Variants in SVEP1 observed in about 807,000 individuals in gnomAD.
The protein encoded by SVEP1 is sushi, von Willebrand factor type A, EGF and pentraxin domain containing 1.
Under a neutral mutation model 367.3 loss-of-function variants are expected in SVEP1, and 164 were observed. The ratio of observed to expected loss-of-function variants is 0.45; its 90% CI spans 0.39 to 0.51. SVEP1 has a LOEUF of 0.51. SVEP1 is among the 20% of genes least tolerant of loss of function. SVEP1 has a pLI of 0.00. For missense variants in SVEP1, 4,117 were observed against 4,425.3 expected, an observed-to-expected ratio of 0.93 and a Z score of 1.98; for synonymous variants, 1,666 against 1,611.6, an observed-to-expected ratio of 1.03 and a Z score of -0.81.
intron 18 of SVEP1, among the ~76,000 whole-genome samples, chr9:110,462,352 G>C (rs1050837907): frequency 6.6e-6 from 1 of 151,854 alleles, no homozygotes; most frequent in African/African-American, 2.4e-5. Flanking sequence ...AAATAAATTT[G>C]CATGTGCAAT....
chr9:110,385,955 C>T lies in SVEP1; in HGVS notation c.10180G>A (p.Gly3394Ser), dbSNP rs769622353. The change falls in exon 43 of 48, where the codon GGC (glycine) becomes AGC (serine). Residue 3394 changes from glycine to serine, a missense_variant. Around this residue, in one of 4 missense-constraint regions of SVEP1, gnomAD observed 1,765 missense variants for 1,781.1 expected, o/e 0.99. Transcript: ENST00000374469. ...TCGTCGGGGTTGCAGGTAATGATGCCGTGGCCCTGCAGCAGAAAACCTTCC... is the reference window on the plus strand; with the variant it reads ...TCGTCGGGGTTGCAGGTAATGATGCTGTGGCCCTGCAGCAGAAAACCTTCC... ...CREGFLLQGH[G>S]IITCNPDETW... The T allele has an allele frequency of 1.7e-5, 28 of 1,613,852 alleles. No homozygotes were observed. The highest frequency in any genetic ancestry group is 3.3e-5 in the Admixed American group (2 of 60,010).
intron 36 of SVEP1, among the ~76,000 whole-genome samples, chr9:110,423,571 A>T (rs529709101): frequency 1.3e-5 from 2 of 152,278 alleles, no homozygotes; most frequent in East Asian, 3.9e-4. Flanking sequence ...GAAGGCAGAA[A>T]CATTAAGTAT....
chr9:110,545,986 C>G, intron 3 of SVEP1, 129 bp downstream of exon 3: 2 of 1,185,862 alleles, frequency 1.7e-6, no homozygotes, highest in Non-Finnish European at 2.3e-6. Context: ...GCTGAAGCCC[C>G]AAAGAGATGT....
intron 5 of SVEP1, among the ~76,000 whole-genome samples, chr9:110,510,746 A>G (rs1343800567): frequency 2.0e-5 from 3 of 152,218 alleles, no homozygotes; most frequent in Admixed American, 1.3e-4. Flanking sequence ...GTGGCAAGTT[A>G]AAATGTAATA....
intron 36 of SVEP1, among the ~76,000 whole-genome samples, chr9:110,426,412 AT>A (rs1215205598): frequency 2.6e-5 from 4 of 152,000 alleles, no homozygotes; most frequent in Non-Finnish European, 5.9e-5. Flanking sequence ...GTATTATATC[AT>A]TTTATTTCTC....
At chr9:110,416,598 G>A (rs1481316111) in intron 36 of SVEP1, among the ~76,000 whole-genome samples, 3 of 151,906 alleles carry the variant, frequency 2.0e-5, no homozygotes, top group African/African-American at 7.3e-5. Context: ...AATATTTGCA[G>A]TGAAAATGAC....
intron 5 of SVEP1, among the ~76,000 whole-genome samples, chr9:110,512,602 C>T (rs1272405686): frequency 3.3e-5 from 5 of 152,186 alleles, no homozygotes; most frequent in African/African-American, 1.2e-4. Flanking sequence ...AGGCATCAGT[C>T]TCCACTCTGA....
At chr9:110,514,860 A>C (rs1829780143) in intron 3 of SVEP1, among the ~76,000 whole-genome samples, 1 of 152,202 alleles carries the variant, frequency 6.6e-6, no homozygotes, top group Non-Finnish European at 1.5e-5. Context: ...CTCTCTTAGC[A>C]AAGGAGAATA....
In SVEP1 at chr9:110,481,314, C is replaced by T; in HGVS notation, c.2293G>A (p.Asp765Asn). 1 of 1,611,374 alleles carries T rather than the reference C, an allele frequency of 6.2e-7. No homozygotes were observed. The change falls in exon 12 of 48, where the codon GAC (aspartate) becomes AAC (asparagine). Residue 765 changes from aspartate (D) to asparagine (N), a missense_variant. Coordinates refer to ENST00000374469, the MANE Select transcript of SVEP1 (RefSeq NM_153366.4). Reference sequence around the variant, plus strand: ...TCTTCATAAGCACAATAATACTTGTCAGTAGACCCTTCTGTGAAATCATAG... The same window carrying T: ...TCTTCATAAGCACAATAATACTTGTTAGTAGACCCTTCTGTGAAATCATAG... ...EGYDFTEGST[D>N]KYYCAYEDGV...
intron 30 of SVEP1, 46 bp from the exon 31 acceptor site, chr9:110,432,681 C>T (rs781253501): frequency 1.9e-6 from 3 of 1,553,246 alleles, no homozygotes; most frequent in South Asian, 2.5e-5. Flanking sequence ...GAGCAAAATA[C>T]TCCAAGAACA....
intron 39 of SVEP1, among the ~76,000 whole-genome samples, chr9:110,402,109 A>G (rs1367321355): frequency 6.6e-6 from 1 of 151,932 alleles, no homozygotes; most frequent in Non-Finnish European, 1.5e-5. Context: ...GCTACATATT[A>G]TTGTTTTCTT....
At chr9:110,570,995 TG>T (rs1322184991) in intron 1 of SVEP1, among the ~76,000 whole-genome samples, 25 of 128,846 alleles carry the variant, frequency 1.9e-4, no homozygotes, top group African/African-American at 6.4e-4. Context: ...TTTTTTTTTT[TG>T]AGACAGGTCT....
At chr9:110,386,470 T>TTTTC (rs1827524204) in intron 42 of SVEP1, among the ~76,000 whole-genome samples, 1 of 151,828 alleles carries the variant, frequency 6.6e-6, no homozygotes, top group South Asian at 2.1e-4. Context: ...ATGCTTCTCA[T>TTTTC]TGTCACCTTA....
chr9:110,503,875 C>T (rs1472018922), intron 5 of SVEP1, among the ~76,000 whole-genome samples: 1 of 152,076 alleles, frequency 6.6e-6, no homozygotes. Flanking sequence ...CTTATAGTTG[C>T]CCACCCAATA....
At position 110,579,163 on chromosome 9, in the gene SVEP1, G is replaced by T. The variant is rs1479971728; in HGVS notation, c.381C>A (p.Phe127Leu). 6.4e-7 allele frequency: 1 copy of T among 1,564,278 alleles called. No individual in the cohort carries two copies. Among genetic ancestry groups the T allele is most frequent in the Admixed American group, 1.9e-5 (1 of 52,542 alleles). Reference protein sequence around the residue: ...PTATRVAIVTFSSKNYVVPRV... With the variant: ...PTATRVAIVTLSSKNYVVPRV... ...GCGGCACCACGTAGTTCTTGGACGA[G>T]AAGGTCACGATGGCCACGCGCGTGG... is the stretch of plus-strand genomic sequence containing the variant. Residue 127 changes from phenylalanine (F) to leucine (L), a missense_variant, in exon 1 of 48, where the codon TTC (phenylalanine) becomes TTA (leucine). Coordinates refer to ENST00000374469, the MANE Select transcript of SVEP1 (RefSeq NM_153366.4). This position sits in a 1 kb window ranked among gnomAD's most constrained non-coding sequence, Gnocchi z 5.3.
intron 46 of SVEP1, among the ~76,000 whole-genome samples, chr9:110,372,526 TAAATC>T (rs1827293710): frequency 6.6e-6 from 1 of 152,150 alleles, no homozygotes; most frequent in African/African-American, 2.4e-5. Context: ...GAAATGCAAA[TAAATC>T]AGATCTATTT....
chr9:110,450,321 T>G, intron 23 of SVEP1, 61 bp from the exon 24 acceptor site: 1 of 1,546,200 alleles, frequency 6.5e-7, no homozygotes, highest in Non-Finnish European at 8.9e-7. Flanking sequence ...ACACTGTAAC[T>G]AAAGTGTTGA....
At chr9:110,483,141 C>T (rs1195207358) in intron 10 of SVEP1, among the ~76,000 whole-genome samples, 3 of 152,064 alleles carry the variant, frequency 2.0e-5, no homozygotes, top group Non-Finnish European at 2.9e-5. Context: ...CTACTGAAAC[C>T]CTTAAAATAA....
chr9:110,552,491 C>T (rs974239219), intron 1 of SVEP1, among the ~76,000 whole-genome samples: 3 of 152,098 alleles, frequency 2.0e-5, no homozygotes, highest in African/African-American at 7.2e-5. Flanking sequence ...TATTTTTACA[C>T]TATAATATAG....
Sources: allele counts gnomAD v4.1 joint callset (sites outside exome capture counted in the v4.1 genomes callset), GRCh38; gene constraint gnomAD v4.1.1; regional missense constraint gnomAD v4.1.1; non-coding constraint Gnocchi (gnomAD v3.1); transcripts MANE v1.5; gene names NCBI Gene and HGNC (gene_info 2026-07-23, HGNC 2026-07-21).